CUX1: variants seen among roughly 807,000 people sequenced by gnomAD.
CUX1 encodes the protein protein CASP.
In CUX1, 31 loss-of-function variants were observed where a neutral mutation model predicts 158.8. The observed-to-expected ratio is 0.20, with a 90% CI of 0.15 to 0.26. CUX1 has a LOEUF of 0.26. Ranked by LOEUF, CUX1 falls within the 10% of genes least tolerant of loss-of-function variation. The probability of loss-of-function intolerance (pLI) is 1.00; values close to 1 mark genes in which losing one functional copy is unlikely to be tolerated. For missense variants in CUX1, 1,589 were observed against 2,014.6 expected, an observed-to-expected ratio of 0.79 and a Z score of 4.04; for synonymous variants, 879 against 862.1, an observed-to-expected ratio of 1.02 and a Z score of -0.34.
chr7:101,985,298 C>T (rs1814146788), intron 2 of CUX1, among the ~76,000 whole-genome samples: 3 of 152,088 alleles, frequency 2.0e-5, no homozygotes, highest in Non-Finnish European at 2.9e-5. Flanking sequence ...GGAGATCAGC[C>T]TCTGGAGGAA....
At position 102,253,561 on chromosome 7, in the gene CUX1, C is replaced by T; in HGVS notation, c.*4519C>T. On this transcript the variant is annotated 3_prime_UTR_variant, in exon 24 of 24. Coordinates refer to ENST00000292535, the MANE Select transcript of CUX1 (RefSeq NM_181552.4). ...GACATTCTATGCAATGTTTTTCATT[C>T]CTCTGATTTTAGCAAAGCAAATCTT... 2 of 985,444 alleles carry T rather than the reference C, an allele frequency of 2.0e-6. No homozygotes were observed. The highest frequency in any genetic ancestry group is 2.4e-6 in the Non-Finnish European group (2 of 829,934). The allele number at this position is 985,444 out of a possible 1,614,324, so 61.0% of individuals were successfully genotyped here. A position where few individuals can be genotyped will look rare whatever the true frequency, so the allele number is the denominator to read the frequency against.
At chr7:102,216,665 ACACT>A (rs547984176) in intron 20 of CUX1, among the ~76,000 whole-genome samples, 17,155 of 77,200 alleles carry the variant, frequency 0.22, 1,781 homozygotes, top group Non-Finnish European at 0.29. Context: ...TCTCCCACAC[ACACT>A]CACACACACA....
intron 1 of CUX1, among the ~76,000 whole-genome samples, chr7:101,907,018 C>T (rs1802835033): frequency 6.6e-6 from 1 of 152,154 alleles, no homozygotes; most frequent in Non-Finnish European, 1.5e-5. Context: ...ACACTGTGGC[C>T]ATCATTCAGG....
rs551286636 is a variant in CUX1, at chr7:101,869,892, C to T, written c.31-46223C>T. 6.6e-6 allele frequency among the ~76,000 whole-genome samples: 1 copy of T among 152,226 alleles called. No homozygotes were observed. The highest frequency in any genetic ancestry group is 2.1e-4 in the South Asian group (1 of 4,824). ...CCGCCCCTGTGTCCTTATTTCCCACCGTGGTGGGCAGCTTGTCTGCCATCC... is the reference window on the plus strand; with the variant it reads ...CCGCCCCTGTGTCCTTATTTCCCACTGTGGTGGGCAGCTTGTCTGCCATCC... On this transcript the variant is annotated intron_variant, in intron 1 of 23. Transcript: ENST00000292535. The surrounding 1 kb of genome is among the most constrained non-coding windows in gnomAD (Gnocchi z 4.5).
At chr7:102,266,519 G>A (rs1286150998) in intron 14 of CUX1, among the ~76,000 whole-genome samples, 3 of 152,076 alleles carry the variant, frequency 2.0e-5, no homozygotes, top group African/African-American at 7.2e-5. Context: ...GGCGTGGACT[G>A]GAGTCCCACA....
chr7:101,989,255 G>A (rs1385443475), intron 2 of CUX1, among the ~76,000 whole-genome samples: 3 of 152,180 alleles, frequency 2.0e-5, no homozygotes, highest in African/African-American at 7.2e-5. Context: ...GACCTCAGGT[G>A]GTATCTGGTT....
At chr7:102,233,170 G>C (rs1488215132) in intron 21 of CUX1, among the ~76,000 whole-genome samples, 9 of 146,436 alleles carry the variant, frequency 6.1e-5, no homozygotes, top group Non-Finnish European at 8.9e-5. Context: ...AAGCCTGAAG[G>C]CTTTTTTTTT....
chr7:102,180,065 C>G (rs892344895), intron 11 of CUX1, among the ~76,000 whole-genome samples: 1 of 152,118 alleles, frequency 6.6e-6, no homozygotes, highest in African/African-American at 2.4e-5. Context: ...CTTTTGTCGC[C>G]GAGACTGGAA....
At chr7:101,836,684 CAAAAAAAAAA>C (rs71755816) in intron 1 of CUX1, among the ~76,000 whole-genome samples, 5 of 77,806 alleles carry the variant, frequency 6.4e-5, no homozygotes, top group African/African-American at 9.9e-5. Flanking sequence ...GACTCCTTCT[CAAAAAAAAAA>C]AAAAAAAAAA....
chr7:101,877,460 G>T (rs1444512241), intron 1 of CUX1, among the ~76,000 whole-genome samples: 1 of 152,218 alleles, frequency 6.6e-6, no homozygotes, highest in Non-Finnish European at 1.5e-5. Flanking sequence ...GCCAAGGAAG[G>T]CGGATCACTT....
chr7:102,054,546 T>C (rs1823911130), intron 3 of CUX1, among the ~76,000 whole-genome samples: 1 of 152,234 alleles, frequency 6.6e-6, no homozygotes, highest in Non-Finnish European at 1.5e-5. Flanking sequence ...AATGTAGTTT[T>C]GTATTTAGTA....
rs372003626 is a variant in CUX1 at position 102,158,586 on chromosome 7, C to T, written c.701C>T (p.Thr234Met). Residue 234 changes from threonine to methionine, a missense_variant, in exon 9 of 24, where the codon ACG (threonine) becomes ATG (methionine). Thr to Met is a moderately conservative substitution (Grantham distance 81). This residue lies in a region of CUX1 where 515 missense variants were observed against 574.4 expected (regional missense o/e 0.90). Transcript: ENST00000292535. The part of the protein sequence containing the change: ...AKADEIEMIM[T>M]DLERANQRAE... ...GCCGACGAGATTGAAATGATCATGACGGACCTTGAAAGGGCAAACCAGGTA... is the reference window on the plus strand; with the variant it reads ...GCCGACGAGATTGAAATGATCATGATGGACCTTGAAAGGGCAAACCAGGTA... The T allele has an allele frequency of 1.5e-5, 24 of 1,613,844 alleles. No homozygotes were observed. In the African/African-American group the frequency reaches 1.7e-4, roughly 12 times the overall value.
At chr7:101,921,773 TA>T (rs34874200) in intron 2 of CUX1, among the ~76,000 whole-genome samples, 1 of 149,906 alleles carries the variant, frequency 6.7e-6, no homozygotes, top group East Asian at 1.9e-4. Flanking sequence ...CGGGCAACTT[TA>T]AAAAAAAAAT....
chr7:102,244,527 G>C (rs1563479495), intron 23 of CUX1, among the ~76,000 whole-genome samples: 28 of 151,846 alleles, frequency 1.8e-4, no homozygotes, highest in Non-Finnish European at 1.5e-5. Flanking sequence ...GTGAGACCAC[G>C]TCTACAAAAA....
chr7:102,172,451 G>A (rs1258757873), intron 10 of CUX1, among the ~76,000 whole-genome samples: 2 of 151,932 alleles, frequency 1.3e-5, no homozygotes, highest in Middle Eastern at 3.4e-3. Flanking sequence ...GGGCTCAAGC[G>A]ATCCTCCTGC....
At chr7:101,853,259 T>A (rs1482883910) in intron 1 of CUX1, among the ~76,000 whole-genome samples, 1 of 152,200 alleles carries the variant, frequency 6.6e-6, no homozygotes, top group African/African-American at 2.4e-5. Context: ...CATGAATAGA[T>A]GCTTAAGTAG....
intron 2 of CUX1, among the ~76,000 whole-genome samples, chr7:102,007,569 G>A (rs915796492): frequency 1.3e-5 from 2 of 151,398 alleles, no homozygotes; most frequent in African/African-American, 2.4e-5. Context: ...CCTCCTGTCT[G>A]GCTTGTGGCA....
chr7:102,178,399 C>T, intron 10 of CUX1, 70 bp from the exon 11 acceptor site: 1 of 1,424,290 alleles, frequency 7.0e-7, no homozygotes, highest in Non-Finnish European at 9.6e-7. Flanking sequence ...GTCTCAGTTG[C>T]CAGCACAGGT....
Position 102,251,972 on chromosome 7 carries a change from C to T in CUX1, c.*2930C>T. ...GCAATTTAGTCATATGTGTTGTTTT[C>T]TCTTTTCTGTTTTTACTTCTTAGAT... On this transcript the variant is annotated 3_prime_UTR_variant, in exon 24 of 24. Coordinates refer to ENST00000292535, the MANE Select transcript of CUX1 (RefSeq NM_181552.4). The T allele has an allele frequency of 1.7e-5, 17 of 985,332 alleles. No homozygotes were observed. The highest frequency in any genetic ancestry group is 2.0e-5 in the Non-Finnish European group (17 of 829,908). 61.0% of individuals were successfully genotyped at this position (985,332 alleles called of 1,614,324 possible). A position where few individuals can be genotyped will look rare whatever the true frequency, so the allele number is the denominator to read the frequency against.
Sources: gnomAD v4.1 joint callset for allele counts (sites outside exome capture counted in the v4.1 genomes callset) on GRCh38, gnomAD v4.1.1 for gene constraint, gnomAD v4.1.1 regional missense constraint, Gnocchi (gnomAD v3.1) non-coding constraint, MANE v1.5 for transcripts, NCBI Gene and HGNC (gene_info 2026-07-23, HGNC 2026-07-21) for gene names.